The following NF2 variants were observed in gnomAD, a reference collection of about 807,000 sequenced individuals.
NF2 encodes the protein merlin.
NF2 carries 8 observed loss-of-function variants against 83.7 expected under a neutral mutation model. The ratio of observed to expected loss-of-function variants is 0.10; its 90% CI spans 0.06 to 0.17. The LOEUF (loss-of-function observed/expected upper bound fraction) is 0.17. Among genes scored for constraint, NF2 ranks in the 10% least tolerant of loss-of-function variants. The probability of loss-of-function intolerance (pLI) is 1.00; values close to 1 mark genes in which losing one functional copy is unlikely to be tolerated. For missense variants in NF2, 533 were observed against 744.4 expected (o/e 0.72, Z 3.31); for synonymous variants, 266 against 269.6 (o/e 0.99, Z 0.13).
At chr22:29,682,677 C>G (rs1437649889) in intron 15 of NF2, among the ~76,000 whole-genome samples, 2 of 152,158 alleles carry the variant, frequency 1.3e-5, no homozygotes, top group Admixed American at 6.5e-5. Flanking sequence ...CAAGGGAGGC[C>G]TCGGTCATTA....
At chr22:29,689,918 C>T (rs997363181) in intron 15 of NF2, among the ~76,000 whole-genome samples, 1 of 152,244 alleles carries the variant, frequency 6.6e-6, no homozygotes, top group African/African-American at 2.4e-5. Context: ...CATTTAGTTA[C>T]CCTCCCATCA....
intron 7 of NF2, 48 bp downstream of exon 7, chr22:29,658,312 G>A (rs767348041): frequency 1.3e-6 from 2 of 1,498,688 alleles, no homozygotes; most frequent in Admixed American, 1.7e-5. Flanking sequence ...CAGAGACTGA[G>A]TGAGGGCCAG....
At chr22:29,616,507 G>A (rs941696522) in intron 1 of NF2, among the ~76,000 whole-genome samples, 1 of 152,218 alleles carries the variant, frequency 6.6e-6, no homozygotes, top group African/African-American at 2.4e-5. Flanking sequence ...CACTTCGGGA[G>A]GCCGAGGTGG....
intron 8 of NF2, 80 bp from the exon 9 acceptor site, chr22:29,664,910 T>C (rs764351650): frequency 8.1e-6 from 8 of 984,006 alleles, no homozygotes; most frequent in Non-Finnish European, 1.3e-5. Context: ...GCCAGTGTGG[T>C]TGCGCATTTG....
In NF2 at chr22:29,661,434, T is replaced by A. The variant is rs192652501; in HGVS notation, c.810+95T>A. ...CCCAGCCAGGGCATCTCCTTGTTAT[T>A]CATAGAGTCCTTTAATTCCCAGGCT... On this transcript the variant is annotated intron_variant, in intron 8 of 15. Transcript: ENST00000338641. 21 of 1,546,466 alleles carry A rather than the reference T, an allele frequency of 1.4e-5. No individual in the cohort carries two copies. In the Admixed American group the frequency reaches 1.5e-4, roughly 11 times the overall value.
At chr22:29,655,907 T>C (rs916058383) in intron 6 of NF2, among the ~76,000 whole-genome samples, 2 of 152,050 alleles carry the variant, frequency 1.3e-5, no homozygotes, top group South Asian at 2.1e-4. Flanking sequence ...TGTCAAGATA[T>C]ATAGACCTGT....
At chr22:29,638,761 A>G (rs1169319137) in intron 2 of NF2, among the ~76,000 whole-genome samples, 1 of 152,204 alleles carries the variant, frequency 6.6e-6, no homozygotes, top group Non-Finnish European at 1.5e-5. Flanking sequence ...TCCACCTACC[A>G]TAAAGGACAG....
chr22:29,618,436 T>C (rs1760152243), intron 1 of NF2, among the ~76,000 whole-genome samples: 1 of 150,444 alleles, frequency 6.6e-6, no homozygotes, highest in South Asian at 2.2e-4. Flanking sequence ...TGCTAATAAG[T>C]TCAGACTTTT....
chr22:29,627,556 C>T (rs960155092), intron 1 of NF2, among the ~76,000 whole-genome samples: 1 of 152,020 alleles, frequency 6.6e-6, no homozygotes, highest in Middle Eastern at 3.2e-3. Flanking sequence ...AACTGAGGCC[C>T]GGTTGAGCTG....
At chr22:29,661,160 A>G (rs1171237610) in intron 7 of NF2, 45 bp from the exon 8 acceptor site, 6 of 1,613,570 alleles carry the variant, frequency 3.7e-6, no homozygotes, top group Non-Finnish European at 4.2e-6. Flanking sequence ...TAAAATTTTG[A>G]GCCTCAGCTG....
At chr22:29,634,772 C>A (rs2065603973) in intron 1 of NF2, among the ~76,000 whole-genome samples, 2 of 152,186 alleles carry the variant, frequency 1.3e-5, no homozygotes, top group Non-Finnish European at 2.9e-5. Flanking sequence ...AATAACATTT[C>A]TTCAGTGAAG....
At chr22:29,647,732 ATGTTGTGTGT>A (rs2066022228) in intron 4 of NF2, among the ~76,000 whole-genome samples, 1 of 152,100 alleles carries the variant, frequency 6.6e-6, no homozygotes, top group Admixed American at 6.5e-5. Flanking sequence ...AGATGTATCC[ATGTTGTGTGT>A]ATAGATGTAG....
intron 6 of NF2, 120 bp from the exon 7 acceptor site, chr22:29,658,041 GCTTTGCTGGTGTCTGCTGTGGCTTTTGT>G (rs2066365154): frequency 1.4e-6 from 1 of 720,384 alleles, no homozygotes; most frequent in Admixed American, 2.0e-5. Flanking sequence ...GCCGGGCAGA[GCTTTGCTGGTGTCTGCTGTGGCTTTTGT>G]CTTCTGGCAG....
At chr22:29,611,696 A>G (rs546290902) in intron 1 of NF2, among the ~76,000 whole-genome samples, 10 of 152,228 alleles carry the variant, frequency 6.6e-5, no homozygotes, top group East Asian at 5.8e-4. Context: ...GGAACAAGTA[A>G]GATCATCTCT....
At chr22:29,648,020 A>G (rs894656281) in intron 4 of NF2, among the ~76,000 whole-genome samples, 4 of 152,250 alleles carry the variant, frequency 2.6e-5, no homozygotes, top group East Asian at 3.9e-4. Context: ...AGTCCCAGCT[A>G]CTTGGGAGAC....
rs561178202 is a variant in NF2 at position 29,695,376 on chromosome 22, G to A, written c.*574G>A. The A allele has an allele frequency of 1.9e-5, 5 of 260,504 alleles. No homozygotes were observed. Among genetic ancestry groups the A allele is most frequent in the East Asian group, 1.6e-4 (3 of 18,996 alleles). 16.1% of individuals were successfully genotyped at this position (260,504 alleles called of 1,614,324 possible). ...GTGCTGGGTCCCCGCCAGGCACCCCGAGGCGGCGCTCTGGCTGGCAGCTGG... is the reference window on the plus strand; with the variant it reads ...GTGCTGGGTCCCCGCCAGGCACCCCAAGGCGGCGCTCTGGCTGGCAGCTGG... On this transcript the variant is annotated 3_prime_UTR_variant, in exon 16 of 16. Transcript: ENST00000338641. The surrounding 1 kb of genome is among the most constrained non-coding windows in gnomAD (Gnocchi z 5.4).
At chr22:29,614,249 C>G (rs1601536845) in intron 1 of NF2, among the ~76,000 whole-genome samples, 1 of 150,808 alleles carries the variant, frequency 6.6e-6, no homozygotes, top group South Asian at 2.1e-4. Flanking sequence ...CAAGACGAGG[C>G]TGGCCAACAT....
chr22:29,644,513 CGG>C (rs2065923661), intron 4 of NF2, among the ~76,000 whole-genome samples: 1 of 144,640 alleles, frequency 6.9e-6, no homozygotes, highest in African/African-American at 2.5e-5. Flanking sequence ...ACTTCCCAGA[CGG>C]GGTGGCGGCC....
At chr22:29,643,135 TTTTA>T in intron 4 of NF2, among the ~76,000 whole-genome samples, 1 of 151,976 alleles carries the variant, frequency 6.6e-6, no homozygotes, top group Non-Finnish European at 1.5e-5. Context: ...TGTGATTTTA[TTTTA>T]TTTATGTTTT....
Sources: gnomAD v4.1 joint callset for allele counts (sites outside exome capture counted in the v4.1 genomes callset) on GRCh38, gnomAD v4.1.1 for gene constraint, Gnocchi (gnomAD v3.1) non-coding constraint, MANE v1.5 for transcripts, NCBI Gene and HGNC (gene_info 2026-07-23, HGNC 2026-07-21) for gene names.